TMX3: variants seen among roughly 807,000 people sequenced by gnomAD.
TMX3 encodes thioredoxin related transmembrane protein 3, also known as protein disulfide-isomerase TMX3.
Under a neutral mutation model 64.4 loss-of-function variants are expected in TMX3, and 40 were observed. The ratio of observed to expected loss-of-function variants is 0.62; its 90% confidence interval spans 0.48 to 0.81. TMX3 has a LOEUF of 0.81. TMX3 is among the 30% of genes least tolerant of loss of function. The pLI is 0.00. For missense variants in TMX3, 497 were observed against 534.5 expected, an observed-to-expected ratio of 0.93 and a Z score of 0.69; for synonymous variants, 189 against 175.7, an observed-to-expected ratio of 1.08 and a Z score of -0.60.
intron 15 of TMX3, among the ~76,000 whole-genome samples, chr18:68,678,429 C>A (rs1000917074): frequency 6.6e-6 from 1 of 151,658 alleles, no homozygotes; most frequent in Non-Finnish European, 1.5e-5. Context: ...GAGTGTCAAG[C>A]GAGAAGGTTC....
chr18:68,701,511 G>A (rs956294923), intron 5 of TMX3: 1 of 819,210 alleles, frequency 1.2e-6, no homozygotes, highest in Non-Finnish European at 1.9e-6. Flanking sequence ...CCTGCACAGT[G>A]CGTGTCACAC....
chr18:68,711,658 C>T (rs775807943), intron 2 of TMX3, among the ~76,000 whole-genome samples: 3 of 152,154 alleles, frequency 2.0e-5, no homozygotes, highest in Non-Finnish European at 4.4e-5. Flanking sequence ...GGTAGAAACA[C>T]AAACAGATGC....
At chr18:68,700,318 AAT>A in intron 6 of TMX3, 85 bp downstream of exon 6, 7 of 932,916 alleles carry the variant, frequency 7.5e-6, no homozygotes, top group Admixed American at 2.7e-5. Context: ...ATGTCCTTAA[AAT>A]ATGTTTGTTC....
rs1196519466 is a variant in TMX3, at chr18:68,676,982, A to G, written c.1316T>C (p.Val439Ala). Reference protein sequence around the residue: ...QQEPSSGGSVVPTVQEPKDVL... With the variant: ...QQEPSSGGSVAPTVQEPKDVL... Reference sequence around the variant, plus strand: ...ATCCTTGGGCTCCTGCACTGTAGGCACTACAGATCCTCCACTGCTGGGCTC... The same window carrying G: ...ATCCTTGGGCTCCTGCACTGTAGGCGCTACAGATCCTCCACTGCTGGGCTC... The change falls in exon 16 of 16, where the codon GTG (valine) becomes GCG (alanine). Residue 439 changes from valine (V) to alanine (A), a missense_variant. By Grantham distance (64) the Val-to-Ala change is moderately conservative. Transcript: ENST00000299608. The G allele has an allele frequency of 1.2e-6, 2 of 1,613,732 alleles. No homozygotes were observed. Among genetic ancestry groups the G allele is most frequent in the Admixed American group, 1.7e-5 (1 of 59,952 alleles).
intron 4 of TMX3, among the ~76,000 whole-genome samples, chr18:68,708,379 A>G (rs2030935222): frequency 6.6e-6 from 1 of 152,176 alleles, no homozygotes; most frequent in South Asian, 2.1e-4. Flanking sequence ...AGAAATGCAC[A>G]TAAAATTAAA....
chr18:68,702,614 G>A (rs1481908320), intron 4 of TMX3, among the ~76,000 whole-genome samples: 1 of 152,106 alleles, frequency 6.6e-6, no homozygotes, highest in African/African-American at 2.4e-5. Flanking sequence ...ATACCATAAA[G>A]ATATTTACAA....
intron 6 of TMX3, among the ~76,000 whole-genome samples, chr18:68,698,596 G>A (rs1568193961): frequency 6.6e-6 from 1 of 152,064 alleles, no homozygotes; most frequent in African/African-American, 2.4e-5. Flanking sequence ...GATAGTCATA[G>A]CACTACATAA....
At chr18:68,712,515 A>AT (rs773165600) in intron 2 of TMX3, among the ~76,000 whole-genome samples, 1 of 151,926 alleles carries the variant, frequency 6.6e-6, no homozygotes, top group Non-Finnish European at 1.5e-5. Context: ...GGAACAATTC[A>AT]TTTTCCACAT....
intron 2 of TMX3, among the ~76,000 whole-genome samples, chr18:68,712,196 G>A (rs534210024): frequency 3.9e-5 from 6 of 152,110 alleles, no homozygotes; most frequent in African/African-American, 7.2e-5. Context: ...ATGGCTAAGC[G>A]AAACCCAGAG....
At chr18:68,695,310 T>C (rs1440054806) in intron 8 of TMX3, among the ~76,000 whole-genome samples, 2 of 152,220 alleles carry the variant, frequency 1.3e-5, no homozygotes, top group Non-Finnish European at 2.9e-5. Flanking sequence ...AATTTACTAT[T>C]TCTTCTCACT....
Position 68,675,346 on chromosome 18 carries a change from A to C in TMX3, c.*1587T>G, listed in dbSNP as rs1912838029. 2 of 152,300 alleles carry C rather than the reference A, an allele frequency of 1.3e-5. No homozygotes were observed. Among genetic ancestry groups the C allele is most frequent in the Middle Eastern group, 3.4e-3 (1 of 292 alleles). 9.4% of individuals were successfully genotyped at this position (152,300 alleles called of 1,614,324 possible). ...CTGCATATTTGTTTCATTTCCAAAA[A>C]AAAGAAATATGGAGTGTCAAACACT... On this transcript the variant is annotated 3_prime_UTR_variant, in exon 16 of 16. Transcript: ENST00000299608.
At chr18:68,701,923 AT>A in intron 4 of TMX3, 133 bp from the exon 5 acceptor site, 1 of 632,712 alleles carries the variant, frequency 1.6e-6, no homozygotes. Context: ...AAGTCTTAAG[AT>A]TATAAAATCA....
intron 9 of TMX3, among the ~76,000 whole-genome samples, chr18:68,689,393 G>GA (rs1555686675): frequency 1.8e-3 from 260 of 142,762 alleles, no homozygotes; most frequent in African/African-American, 6.5e-3. Flanking sequence ...TATGATCAGT[G>GA]TTTTTTTTTT....
In TMX3 at chr18:68,677,072, C is replaced by A; in HGVS notation, c.1226G>T (p.Arg409Leu). 6.2e-7 allele frequency: 1 copy of A among 1,613,788 alleles called. No individual in the cohort carries two copies. Among genetic ancestry groups the A allele is most frequent in the South Asian group, 1.1e-5 (1 of 91,082 alleles). Residue 409 changes from arginine to leucine, a missense_variant, in exon 16 of 16, where the codon CGA becomes CTA. Physicochemically the swap from Arg to Leu is moderately radical, Grantham distance 102. This residue lies in a region of TMX3 where 94 missense variants were observed against 75.8 expected (regional missense o/e 1.24). Coordinates refer to ENST00000299608, the MANE Select transcript of TMX3 (RefSeq NM_019022.5). Reference protein sequence around the residue: ...ADTDGGYIEERYEVSKSENEN... With the variant: ...ADTDGGYIEELYEVSKSENEN... ...ATTTTCACTTTTAGACACTTCATAT[C>A]GTTCTTCTATATAACCTCCATCTGT...
At position 68,707,194 on chromosome 18, in the gene TMX3, C is replaced by CTT. The variant is rs774533164; in HGVS notation, c.265+2825_265+2826dup. On this transcript the variant is annotated intron_variant, in intron 4 of 15. Transcript: ENST00000299608. Reference sequence around the variant, plus strand: ...ACTCCACAACTTTTCTACAAAGGGACTTTTTTTTTTTTTTCAATTAACTAT... The same window carrying CTT: ...ACTCCACAACTTTTCTACAAAGGGACTTTTTTTTTTTTTTTTCAATTAACTAT... 2.2e-3 allele frequency among the ~76,000 whole-genome samples: 298 copies of CTT among 138,518 alleles called. 3 individuals are homozygous for CTT. The highest frequency in any genetic ancestry group is 6.6e-3 in the African/African-American group (252 of 38,064). 90.9% of individuals were successfully genotyped at this position (138,518 alleles called of 152,430 possible).
rs759318775 is a variant in TMX3, at chr18:68,687,806, T to C, written c.638-41A>G. Reference sequence around the variant, plus strand: ...AAGTTGACAAATTACAGTATAAATATGAATTTAAGAGTTATAATAGCTTTA... The same window carrying C: ...AAGTTGACAAATTACAGTATAAATACGAATTTAAGAGTTATAATAGCTTTA... On this transcript the variant is annotated intron_variant, in intron 9 of 15. Coordinates refer to ENST00000299608, the MANE Select transcript of TMX3 (RefSeq NM_019022.5). 4.0e-6 allele frequency: 6 copies of C among 1,491,198 alleles called. No individual in the cohort carries two copies. In the Admixed American group the frequency reaches 1.2e-4, roughly 29 times the overall value. 92.4% of individuals were successfully genotyped at this position (1,491,198 alleles called of 1,614,324 possible).
At chr18:68,697,149 T>A (rs963805238) in intron 8 of TMX3, 77 bp downstream of exon 8, 3 of 770,264 alleles carry the variant, frequency 3.9e-6, no homozygotes, top group African/African-American at 1.8e-5. Flanking sequence ...AGTAATAAAA[T>A]CACAATTTAG....
chr18:68,715,044 C>A lies in TMX3; in HGVS notation c.-63G>T. On this transcript the variant is annotated 5_prime_UTR_variant, in exon 1 of 16. Transcript: ENST00000299608. Reference sequence around the variant, plus strand: ...AGAGGGATAAAGACACTGGGGTCCGCCGCCTGCCCGCCCGGAAAGGGAAAC... The same window carrying A: ...AGAGGGATAAAGACACTGGGGTCCGACGCCTGCCCGCCCGGAAAGGGAAAC... 6.5e-7 allele frequency: 1 copy of A among 1,547,572 alleles called. No individual in the cohort carries two copies. The highest frequency in any genetic ancestry group is 2.5e-5 in the East Asian group (1 of 40,530).
chr18:68,713,735 G>A (rs1457027134), intron 2 of TMX3, 111 bp downstream of exon 2: 8 of 480,238 alleles, frequency 1.7e-5, no homozygotes, highest in Non-Finnish European at 2.7e-5. Context: ...AAAAAAATGA[G>A]TGATATATAA....
Sources: allele counts gnomAD v4.1 joint callset (sites outside exome capture counted in the v4.1 genomes callset), GRCh38; gene constraint gnomAD v4.1.1; regional missense constraint gnomAD v4.1.1; transcripts MANE v1.5; gene names NCBI Gene and HGNC (gene_info 2026-07-23, HGNC 2026-07-21).